RHCE: variants seen among roughly 807,000 people sequenced by gnomAD.
The protein encoded by RHCE is blood group Rh(CE) polypeptide.
A neutral mutation model predicts 43.8 loss-of-function variants in RHCE; 22 were observed. The observed-to-expected ratio is 0.50, with a 90% CI of 0.36 to 0.72. The LOEUF is 0.72. RHCE is among the 30% of genes least tolerant of loss of function. RHCE has a pLI of 0.00. For missense variants in RHCE, 385 were observed against 525.4 expected (o/e 0.73, Z 2.61); for synonymous variants, 156 against 210.7 (o/e 0.74, Z 2.25).
intron 1 of RHCE, chr1:25,411,507 A>C (rs1647077577): frequency 6.6e-7 from 1 of 1,518,518 alleles, no homozygotes; most frequent in South Asian, 1.3e-5. Flanking sequence ...GAGGACACTG[A>C]CATTTCCAAA....
intron 2 of RHCE, among the ~76,000 whole-genome samples, chr1:25,427,332 G>C (rs952349901): frequency 2.6e-5 from 4 of 152,236 alleles, no homozygotes; most frequent in African/African-American, 7.2e-5. Context: ...GGAGGGACAA[G>C]CCTAAATTCC....
chr1:25,368,603 CA>C (rs1204796760), intron 9 of RHCE, among the ~76,000 whole-genome samples: 3 of 150,892 alleles, frequency 2.0e-5, no homozygotes, highest in Non-Finnish European at 4.4e-5. Flanking sequence ...CTTTCTAAAC[CA>C]AGGTATAAAA....
chr1:25,392,210 T>C lies in RHCE; in HGVS notation c.487-69A>G. 3.7e-6 allele frequency: 6 copies of C among 1,612,478 alleles called. No homozygotes were observed. In the African/African-American group the frequency reaches 4.0e-5, roughly 11 times the overall value. On this transcript the variant is annotated intron_variant, in intron 3 of 9. Transcript: ENST00000294413. ...GCCCAGGGGAAAGCCCTGATGGTCC[T>C]TGGAGAAAGTTCAGAGCTTCACTTA...
At chr1:25,411,286 A>C (rs933131966) in intron 1 of RHCE, 1 of 1,548,304 alleles carries the variant, frequency 6.5e-7, no homozygotes, top group Non-Finnish European at 8.7e-7. Flanking sequence ...AACACTCAAT[A>C]AATAGTGGCT....
At chr1:25,362,687 T>A in intron 9 of RHCE, 134 bp from the exon 10 acceptor site, 1 of 568,646 alleles carries the variant, frequency 1.8e-6, no homozygotes, top group South Asian at 2.0e-5. Context: ...TTGGAAGAGA[T>A]CTTGGATATA....
intron 1 of RHCE, among the ~76,000 whole-genome samples, chr1:25,418,594 C>T (rs1399935489): frequency 6.6e-6 from 1 of 152,246 alleles, no homozygotes; most frequent in Non-Finnish European, 1.5e-5. Context: ...TCAGCTACCT[C>T]GCCCAGCCCC....
chr1:25,379,487 ATATATATATTTTTTTTTTTTT>A (rs1422785924), intron 7 of RHCE, among the ~76,000 whole-genome samples: 115 of 20,890 alleles, frequency 5.5e-3, no homozygotes, highest in African/African-American at 0.039. Context: ...ATATATATAT[ATATATATATTTTTTTTTTTTT>A]TTTTTTTTTT....
chr1:25,425,891 C>G (rs1481625563), intron 2 of RHCE, among the ~76,000 whole-genome samples: 1 of 152,344 alleles, frequency 6.6e-6, no homozygotes, highest in East Asian at 1.9e-4. Context: ...GCTCTGGGCA[C>G]GTTTGGCTAA....
chr1:25,382,580 A>G (rs1008434324), intron 7 of RHCE, among the ~76,000 whole-genome samples: 1 of 151,730 alleles, frequency 6.6e-6, no homozygotes, highest in African/African-American at 2.4e-5. Flanking sequence ...CATCACCATG[A>G]TAACAGTCTC....
intron 3 of RHCE, among the ~76,000 whole-genome samples, chr1:25,395,919 AG>A (rs562149641): frequency 5.9e-5 from 9 of 151,622 alleles, no homozygotes; most frequent in African/African-American, 1.5e-4. Flanking sequence ...GGATTTCTAT[AG>A]GAAATTATCT....
At chr1:25,372,089 TA>T (rs923482551) in intron 8 of RHCE, among the ~76,000 whole-genome samples, 17 of 150,428 alleles carry the variant, frequency 1.1e-4, no homozygotes, top group East Asian at 5.8e-4. Context: ...TTAGACTTTT[TA>T]AAAAAAAAAT....
Position 25,362,559 on chromosome 1 carries a change from A to C in RHCE, c.1228-6T>G. 1.3e-6 allele frequency: 2 copies of C among 1,562,658 alleles called. No individual in the cohort carries two copies. Among genetic ancestry groups the C allele is most frequent in the Non-Finnish European group, 1.8e-6 (2 of 1,139,682 alleles). ...CCAACAGCCAAATGAGGAAACTGTA[A>C]AAGCAAAACAAACATTTTTATTGCA... is the stretch of plus-strand genomic sequence containing the variant. On this transcript the variant is annotated splice_polypyrimidine_tract_variant and splice_region_variant and intron_variant, in intron 9 of 9. Transcript: ENST00000294413.
At chr1:25,389,823 T>C (rs1039382163) in intron 5 of RHCE, among the ~76,000 whole-genome samples, 1 of 152,160 alleles carries the variant, frequency 6.6e-6, no homozygotes, top group African/African-American at 2.4e-5. Flanking sequence ...TGTCCTTCAC[T>C]ACTCCAGAAC....
intron 1 of RHCE, among the ~76,000 whole-genome samples, chr1:25,415,416 G>A (rs533734774): frequency 6.6e-6 from 1 of 152,342 alleles, no homozygotes; most frequent in East Asian, 1.9e-4. Flanking sequence ...ACTTTGGGAG[G>A]CCGAGGCGGG....
Position 25,362,437 on chromosome 1 carries a change from C to T in RHCE, c.*90G>A. The T allele has an allele frequency of 1.2e-6, 2 of 1,613,620 alleles. No homozygotes were observed. The highest frequency in any genetic ancestry group is 1.7e-6 in the Non-Finnish European group (2 of 1,179,722). ...ATTATACATAAGGAGACTTTGCTGT[C>T]ATGAGCGTTTCTCACGTACAAATGC... is the stretch of plus-strand genomic sequence containing the variant. On this transcript the variant is annotated 3_prime_UTR_variant, in exon 10 of 10. Transcript: ENST00000294413.
rs369664408 is a variant in RHCE, at chr1:25,402,700, C to T, written c.382G>A (p.Gly128Ser). 6.2e-6 allele frequency: 10 copies of T among 1,614,134 alleles called. No individual in the cohort carries two copies. In the East Asian group the frequency reaches 8.9e-5, roughly 14 times the overall value. The stretch of plus-strand genomic sequence containing the variant: ...AAGTTGACCTTCCCCAAGACAGCAC[C>T]CGCTGAGATCAGCACCGACATAGCA... Reference protein sequence around the residue: ...MSAMSVLISAGAVLGKVNLAQ... With the variant: ...MSAMSVLISASAVLGKVNLAQ... The change falls in exon 3 of 10, where the codon GGT (glycine) becomes AGT (serine). Residue 128 changes from glycine to serine, a missense_variant. Gly to Ser is a moderately conservative substitution (Grantham distance 56). Coordinates refer to ENST00000294413, the MANE Select transcript of RHCE (RefSeq NM_020485.8).
chr1:25,371,370 G>T (rs1040653127), intron 8 of RHCE, among the ~76,000 whole-genome samples: 4 of 151,160 alleles, frequency 2.6e-5, no homozygotes, highest in Admixed American at 2.0e-4. Context: ...AAGTGTCTTT[G>T]ATTTTATTTT....
At position 25,389,025 on chromosome 1, in the gene RHCE, A is replaced by G. The variant is rs763017817; in HGVS notation, c.890T>C (p.Leu297Pro). The G allele has an allele frequency of 5.1e-5, 82 of 1,614,154 alleles. No individual in the cohort carries two copies. Among genetic ancestry groups the G allele is most frequent in the Non-Finnish European group, 6.4e-5 (75 of 1,180,060 alleles). The change falls in exon 6 of 10, where the codon CTG becomes CCG. Residue 297 changes from leucine (L) to proline (P), a missense_variant. Leu to Pro is a moderately conservative substitution (Grantham distance 98). Transcript: ENST00000294413. ...LIPSPWLAMV[L>P]GLVAGLISIG... ...GGAGATCAGCCCAGCCACAAGACCC[A>G]GCACCATGGCAAGCCACGGAGAAGG...
chr1:25,413,356 G>A (rs555342543), intron 1 of RHCE, among the ~76,000 whole-genome samples: 4 of 152,108 alleles, frequency 2.6e-5, no homozygotes, highest in South Asian at 2.1e-4. Context: ...CTGGGCTCCC[G>A]CTTCAGGGCT....
Sources: gnomAD v4.1 joint callset for allele counts (sites outside exome capture counted in the v4.1 genomes callset) on GRCh38, gnomAD v4.1.1 for gene constraint, MANE v1.5 for transcripts, NCBI Gene and HGNC (gene_info 2026-07-23, HGNC 2026-07-21) for gene names.